Variants in PGAP2 observed in about 807,000 individuals in gnomAD.
PGAP2 encodes the protein acyltransferase PGAP2.
In PGAP2, 21 loss-of-function variants were observed where a neutral mutation model predicts 33.2. The observed-to-expected ratio is 0.63, with a 90% CI of 0.45 to 0.91. The LOEUF (loss-of-function observed/expected upper bound fraction) is 0.91, where lower values mean the gene tolerates loss of function less well. Ranked by LOEUF, PGAP2 falls within the 40% of genes least tolerant of loss-of-function variation. The pLI is 0.00. For missense variants in PGAP2, 345 were observed against 424.0 expected (o/e 0.81, Z 1.64); for synonymous variants, 161 against 172.9 (o/e 0.93, Z 0.54).
At chr11:3,799,697 T>A (rs1325231911) in intron 1 of PGAP2, among the ~76,000 whole-genome samples, 1 of 151,942 alleles carries the variant, frequency 6.6e-6, no homozygotes, top group Non-Finnish European at 1.5e-5. Context: ...AGACTGGGAG[T>A]GGTGGCTCAC....
At position 3,811,520 on chromosome 11, in the gene PGAP2, G is replaced by T; in HGVS notation, c.165+96G>T. On this transcript the variant is annotated intron_variant, in intron 2 of 6. Coordinates refer to ENST00000278243, the MANE Select transcript of PGAP2 (RefSeq NM_014489.4). This position sits in a 1 kb window ranked among gnomAD's most constrained non-coding sequence, Gnocchi z 4.6. ...TAACAAGATTAGCCAGCTCTCCACT[G>T]GGGCCCATCAAACATACGGGGCTGC... 1 of 1,215,048 alleles carries T rather than the reference G, an allele frequency of 8.2e-7. No homozygotes were observed. Among genetic ancestry groups the T allele is most frequent in the Non-Finnish European group, 1.1e-6 (1 of 879,366 alleles). 75.3% of individuals were successfully genotyped at this position (1,215,048 alleles called of 1,614,324 possible).
chr11:3,803,742 T>C (rs1036138095), upstream of PGAP2, among the ~76,000 whole-genome samples: 3 of 151,792 alleles, frequency 2.0e-5, no homozygotes, highest in African/African-American at 4.8e-5. Flanking sequence ...CTTTGGCTTT[T>C]AACCAGAACA....
chr11:3,797,804 G>T (rs926320503), upstream of PGAP2: 38 of 1,546,234 alleles, frequency 2.5e-5, no homozygotes, highest in Middle Eastern at 5.0e-4. Flanking sequence ...GCGGGAGCGT[G>T]TCGTGACGTC....
chr11:3,817,441 G>A lies in PGAP2; in HGVS notation c.254G>A (p.Trp85Ter), dbSNP rs562373829. 1 of 1,614,132 alleles carries A rather than the reference G, an allele frequency of 6.2e-7. No individual in the cohort carries two copies. Among genetic ancestry groups the A allele is most frequent in the Admixed American group, 1.7e-5 (1 of 60,000 alleles). ...CGGCTTCGCTTCACAGCCATGGTCTGGTGGGCCATCACTTTTCCTGTGTTC... is the reference window on the plus strand; with the variant it reads ...CGGCTTCGCTTCACAGCCATGGTCTAGTGGGCCATCACTTTTCCTGTGTTC... ...LFRLRFTAMV[W>*]WAITFPVFGF... The change falls in exon 3 of 7, where the codon TGG becomes TAG. Residue 85 changes from tryptophan (W) to a stop codon, truncating the protein, a stop_gained. Coordinates refer to ENST00000278243, the MANE Select transcript of PGAP2 (RefSeq NM_014489.4). LOFTEE classifies it high-confidence loss of function.
Position 3,811,154 on chromosome 11 carries a change from C to A in PGAP2, c.-10-96C>A. On this transcript the variant is annotated intron_variant, in intron 1 of 6. Coordinates refer to ENST00000278243, the MANE Select transcript of PGAP2 (RefSeq NM_014489.4). The surrounding 1 kb of genome is among the most constrained non-coding windows in gnomAD (Gnocchi z 4.6). Reference sequence around the variant, plus strand: ...TCCTCAGACTCCCCACCCCACAGCACACAGCTAATTTTAGGACTGAGCACA... The same window carrying A: ...TCCTCAGACTCCCCACCCCACAGCAAACAGCTAATTTTAGGACTGAGCACA... The A allele has an allele frequency of 1.7e-6, 2 of 1,178,816 alleles. No homozygotes were observed. Among genetic ancestry groups the A allele is most frequent in the Non-Finnish European group, 2.4e-6 (2 of 828,600 alleles). The allele number at this position is 1,178,816 out of a possible 1,614,324, so 73.0% of individuals were successfully genotyped here. A position where few individuals can be genotyped will look rare whatever the true frequency, so the allele number is the denominator to read the frequency against.
At chr11:3,814,579 C>CT (rs1217773423) in intron 2 of PGAP2, among the ~76,000 whole-genome samples, 1 of 151,148 alleles carries the variant, frequency 6.6e-6, no homozygotes, top group African/African-American at 2.4e-5. Flanking sequence ...CTTTCTTCTT[C>CT]TTTTTTTTCT....
At chr11:3,824,463 G>A in intron 5 of PGAP2, 87 bp downstream of exon 5, 1 of 1,606,566 alleles carries the variant, frequency 6.2e-7, no homozygotes, top group Non-Finnish European at 8.5e-7. Flanking sequence ...ATGGTGAGGT[G>A]GGAACTGAGT....
In PGAP2 at chr11:3,824,074, C is replaced by T; in HGVS notation, c.540C>T (p.Leu180=). The T allele has an allele frequency of 6.2e-7, 1 of 1,614,212 alleles. No homozygotes were observed. Among genetic ancestry groups the T allele is most frequent in the Non-Finnish European group, 8.5e-7 (1 of 1,180,040 alleles). Residue 180 remains leucine (L), a synonymous_variant, in exon 4 of 7, where the codon CTC becomes CTT. Coordinates refer to ENST00000278243, the MANE Select transcript of PGAP2 (RefSeq NM_014489.4). ...CGCTCTGCCGCCTCAACTTCGGCCT[C>T]AATGTCGTGGAGAACCTCGCGTTGC... is the stretch of plus-strand genomic sequence containing the variant. ...YRPLCRLNFG[L]NVVENLALLV... is the part of the protein sequence containing the mutation.
At chr11:3,822,880 T>A (rs1565050137) in intron 3 of PGAP2, 1 of 1,220,546 alleles carries the variant, frequency 8.2e-7, no homozygotes, top group South Asian at 1.4e-5. Flanking sequence ...TCCCTGCAGC[T>A]GTGTATTATC....
Position 3,817,526 on chromosome 11 carries a change from T to G in PGAP2, c.339T>G (p.Thr113=). The change falls in exon 3 of 7, where the codon ACT becomes ACG. Residue 113 remains threonine (T), a synonymous_variant. Transcript: ENST00000278243. ...LVFHFEYTVA[T]DCGVPNYLPS... The stretch of plus-strand genomic sequence containing the variant: ...TCCACTTTGAGTACACGGTGGCCAC[T>G]GACTGTGGGGTGAGTGCCAGCTCCC... 6.2e-7 allele frequency: 1 copy of G among 1,613,920 alleles called. No homozygotes were observed. The highest frequency in any genetic ancestry group is 8.5e-7 in the Non-Finnish European group (1 of 1,179,830).
intron 2 of PGAP2, among the ~76,000 whole-genome samples, chr11:3,817,104 G>C (rs532949113): frequency 2.0e-5 from 3 of 152,250 alleles, no homozygotes; most frequent in Admixed American, 1.3e-4. Flanking sequence ...GGCTCTTCAA[G>C]AGGTGGACCT....
At position 3,824,049 on chromosome 11, in the gene PGAP2, C is replaced by A; in HGVS notation, c.515C>A (p.Pro172Gln). The A allele has an allele frequency of 6.2e-7, 1 of 1,614,200 alleles. No individual in the cohort carries two copies. The highest frequency in any genetic ancestry group is 1.1e-5 in the South Asian group (1 of 91,082). ...SCTSPCSCYR[P>Q]LCRLNFGLNV... ...ACCTCCCCGTGTTCCTGCTATCGCC[C>A]GCTCTGCCGCCTCAACTTCGGCCTC... The change falls in exon 4 of 7, where the codon CCG becomes CAG. Residue 172 changes from proline to glutamine, a missense_variant. Coordinates refer to ENST00000278243, the MANE Select transcript of PGAP2 (RefSeq NM_014489.4).
At chr11:3,823,480 AT>A in intron 3 of PGAP2, 1 of 876,470 alleles carries the variant, frequency 1.1e-6, no homozygotes, top group Non-Finnish European at 1.8e-6. Context: ...GGAAGCTCAG[AT>A]GGTCTGTGAC....
chr11:3,818,645 T>A (rs1027672097), intron 3 of PGAP2, among the ~76,000 whole-genome samples: 2 of 152,184 alleles, frequency 1.3e-5, no homozygotes, highest in African/African-American at 2.4e-5. Context: ...GAAACCTGGA[T>A]GGACTTCTGT....
At chr11:3,797,924 G>C in exon 1 of PGAP2, 1 of 1,547,782 alleles carries the variant, frequency 6.5e-7, no homozygotes, top group Non-Finnish European at 8.7e-7. Context: ...TCCTTGGAGC[G>C]CCGCGACTCG....
upstream of PGAP2, among the ~76,000 whole-genome samples, chr11:3,805,828 AG>A (rs1316022127): frequency 3.3e-5 from 5 of 151,862 alleles, no homozygotes; most frequent in Non-Finnish European, 7.4e-5. Context: ...CTGGGACTAC[AG>A]GTGCGCGCCA....
At chr11:3,813,920 A>G (rs1437932171) in intron 2 of PGAP2, among the ~76,000 whole-genome samples, 3 of 152,190 alleles carry the variant, frequency 2.0e-5, no homozygotes, top group African/African-American at 7.2e-5. Context: ...TGTTCTGGGC[A>G]TACCAGTTAG....
upstream of PGAP2, among the ~76,000 whole-genome samples, chr11:3,806,636 A>C (rs61896953): frequency 0.091 from 13,887 of 152,294 alleles, 861 homozygotes; most frequent in Middle Eastern, 0.16. Context: ...TATGTGAATT[A>C]TCTCAGGTAC....
intron 1 of PGAP2, among the ~76,000 whole-genome samples, chr11:3,802,967 C>G (rs1590111927): frequency 6.7e-6 from 1 of 149,642 alleles, no homozygotes; most frequent in African/African-American, 2.4e-5. Flanking sequence ...GCTGGGACTA[C>G]AGGCGCCTGC....
Sources: gnomAD v4.1 joint callset for allele counts (sites outside exome capture counted in the v4.1 genomes callset) on GRCh38, gnomAD v4.1.1 for gene constraint, Gnocchi (gnomAD v3.1) non-coding constraint, MANE v1.5 for transcripts, NCBI Gene and HGNC (gene_info 2026-07-23, HGNC 2026-07-21) for gene names.